RTL4: variants seen among roughly 807,000 people sequenced by gnomAD.
RTL4 encodes retrotransposon Gag like 4.
A neutral mutation model predicts 5.3 loss-of-function variants in RTL4; 4 were observed. The observed-to-expected ratio is 0.75, with a 90% CI of 0.37 to 1.72. The LOEUF is 1.72. Among genes scored for constraint, RTL4 ranks in the 40% most tolerant of loss-of-function variants. The pLI is 0.04. For synonymous variants in RTL4, 98 were observed against 87.3 expected (o/e 1.12, Z -0.68); for missense variants, 260 against 227.1 (o/e 1.14, Z -0.93).
the RTL4 span, among the ~76,000 whole-genome samples, chrX:112,432,016 T>C: frequency 9.6e-6 from 1 of 104,504 alleles, no homozygotes; most frequent in East Asian, 3.1e-4. Flanking sequence ...TTACTGAGAA[T>C]GATGATTTCC....
the RTL4 span, among the ~76,000 whole-genome samples, chrX:112,321,414 T>C: frequency 5.5e-5 from 6 of 108,569 alleles, no homozygotes; most frequent in Non-Finnish European, 5.7e-5. Flanking sequence ...CGCGTGCCTG[T>C]AGTCCCAGCT....
the RTL4 span, among the ~76,000 whole-genome samples, chrX:112,111,779 T>C: frequency 9.0e-6 from 1 of 111,549 alleles, no homozygotes; most frequent in Non-Finnish European, 1.9e-5. Context: ...CTTCCATCAG[T>C]ATATAGGTTA....
chrX:112,431,783 GGTTA>G, the RTL4 span, among the ~76,000 whole-genome samples: 1 of 107,959 alleles, frequency 9.3e-6, no homozygotes, highest in Non-Finnish European at 1.9e-5. Context: ...ACAATGTGCA[GGTTA>G]GTTACATTTG....
the RTL4 span, among the ~76,000 whole-genome samples, chrX:112,383,591 A>C: frequency 0.011 from 1,276 of 111,836 alleles, 20 homozygotes; most frequent in African/African-American, 0.04. Context: ...GACACGAATA[A>C]ACCTGGGTGC....
At chrX:112,305,279 C>T in the RTL4 span, among the ~76,000 whole-genome samples, 1 of 109,040 alleles carries the variant, frequency 9.2e-6, no homozygotes, top group African/African-American at 3.3e-5. Context: ...GCCTCAGCCT[C>T]CTGAGTAGCT....
chrX:112,197,268 A>T, the RTL4 span, among the ~76,000 whole-genome samples: 1 of 108,804 alleles, frequency 9.2e-6, no homozygotes, highest in Non-Finnish European at 1.9e-5. Context: ...GAAGAGAGGG[A>T]TAGGTCCTTA....
chrX:112,318,438 T>C, the RTL4 span, among the ~76,000 whole-genome samples: 1 of 112,097 alleles, frequency 8.9e-6, no homozygotes, highest in Non-Finnish European at 1.9e-5. Flanking sequence ...CTGGCACACA[T>C]GAGGTACTCA....
At chrX:112,089,553 T>C in the RTL4 span, among the ~76,000 whole-genome samples, 6 of 110,913 alleles carry the variant, frequency 5.4e-5, no homozygotes, top group East Asian at 1.4e-3. Flanking sequence ...CAATTGGCCA[T>C]AGACATATGG....
At chrX:112,301,998 C>T in the RTL4 span, among the ~76,000 whole-genome samples, 2 of 108,379 alleles carry the variant, frequency 1.8e-5, no homozygotes, top group African/African-American at 3.4e-5. Flanking sequence ...CCGTGGCTCA[C>T]GCTTGTAATC....
chrX:112,409,860 G>A, the RTL4 span, among the ~76,000 whole-genome samples: 1 of 110,727 alleles, frequency 9.0e-6, no homozygotes, highest in African/African-American at 3.3e-5. Flanking sequence ...AAAAGCAAGT[G>A]TAAGTTCTTA....
At chrX:112,162,464 C>A in the RTL4 span, among the ~76,000 whole-genome samples, 1 of 111,549 alleles carries the variant, frequency 9.0e-6, no homozygotes, top group Non-Finnish European at 1.9e-5. Flanking sequence ...GCACAGGTCC[C>A]CATTAATGAA....
chrX:112,259,857 T>G, the RTL4 span, among the ~76,000 whole-genome samples: 7 of 111,910 alleles, frequency 6.3e-5, no homozygotes, highest in South Asian at 1.5e-3. Context: ...TCATACCCAC[T>G]CAACACTTTC....
the RTL4 span, among the ~76,000 whole-genome samples, chrX:112,289,397 G>A: frequency 8.9e-6 from 1 of 112,316 alleles, no homozygotes; most frequent in African/African-American, 3.2e-5. Flanking sequence ...AATAGATTTT[G>A]TCCTTGGAAA....
chrX:112,369,359 C>G, the RTL4 span, among the ~76,000 whole-genome samples: 1 of 111,671 alleles, frequency 9.0e-6, no homozygotes, highest in African/African-American at 3.3e-5. Context: ...CTCTCACCCT[C>G]AGGCTTGGAC....
chrX:112,396,135 G>A, the RTL4 span, among the ~76,000 whole-genome samples: 11 of 110,866 alleles, frequency 9.9e-5, no homozygotes, highest in African/African-American at 3.3e-4. Flanking sequence ...GCTGGAATGG[G>A]CAATTCTCTT....
chrX:112,308,510 G>T, the RTL4 span, among the ~76,000 whole-genome samples: 1 of 111,482 alleles, frequency 9.0e-6, no homozygotes, highest in African/African-American at 3.3e-5. Context: ...TCTCTGATTG[G>T]ATAAAAGGAT....
chrX:112,259,136 C>G, the RTL4 span, among the ~76,000 whole-genome samples: 92 of 110,869 alleles, frequency 8.3e-4, no homozygotes, highest in Non-Finnish European at 1.6e-3. Flanking sequence ...ATGTTTAAAT[C>G]GAAAAAGTCC....
the RTL4 span, among the ~76,000 whole-genome samples, chrX:112,100,218 C>T: frequency 8.9e-6 from 1 of 111,943 alleles, no homozygotes; most frequent in East Asian, 2.8e-4. Flanking sequence ...GGGACCTTAA[C>T]AAGAGCACTT....
the RTL4 span, among the ~76,000 whole-genome samples, chrX:112,186,955 A>T: frequency 7.1e-5 from 8 of 111,927 alleles, no homozygotes; most frequent in Non-Finnish European, 1.3e-4. Flanking sequence ...GGTGAATGAG[A>T]GGAGAGAGAA....
Sources: gnomAD v4.1 joint callset for allele counts (sites outside exome capture counted in the v4.1 genomes callset) on GRCh38, gnomAD v4.1.1 for gene constraint, MANE v1.5 for transcripts, NCBI Gene and HGNC (gene_info 2026-07-23, HGNC 2026-07-21) for gene names.